CNOT4: variants seen among roughly 807,000 people sequenced by gnomAD.
The protein encoded by CNOT4 is CCR4-associated factor 4.
A neutral mutation model predicts 73.8 loss-of-function variants in CNOT4; 8 were observed. The ratio of observed to expected loss-of-function variants is 0.11; its 90% CI spans 0.06 to 0.20. CNOT4 has a LOEUF of 0.20. Ranked by LOEUF, CNOT4 falls within the 10% of genes least tolerant of loss-of-function variation. The pLI, the probability that CNOT4 is intolerant of heterozygous loss-of-function variation, is 1.00. For synonymous variants in CNOT4, 293 were observed against 321.1 expected, an observed-to-expected ratio of 0.91 and a Z score of 0.94; for missense variants, 564 against 883.4, an observed-to-expected ratio of 0.64 and a Z score of 4.58.
intron 10 of CNOT4, chr7:135,387,215 C>A: frequency 1.0e-6 from 1 of 984,710 alleles, no homozygotes; most frequent in Non-Finnish European, 1.2e-6. Context: ...CTTGTAATGT[C>A]TTAAAGTCAC....
chr7:135,500,528 C>T (rs1002034269), intron 1 of CNOT4, among the ~76,000 whole-genome samples: 1 of 152,100 alleles, frequency 6.6e-6, no homozygotes, highest in Admixed American at 6.5e-5. Flanking sequence ...AAAACATATA[C>T]GGCTGATGTT....
chr7:135,370,250 G>A (rs1795121119), intron 10 of CNOT4, among the ~76,000 whole-genome samples: 1 of 152,110 alleles, frequency 6.6e-6, no homozygotes, highest in Non-Finnish European at 1.5e-5. Flanking sequence ...AAAGAGTTCT[G>A]AGCAGAAACA....
rs1263876767 is a variant in CNOT4, at chr7:135,461,669, T to C, written c.-92-23246A>G. ...CAACATGGCAAAACCCCGTCTCTACTAAAAATGCAAAAATTAGCCAGGCGT... is the reference window on the plus strand; with the variant it reads ...CAACATGGCAAAACCCCGTCTCTACCAAAAATGCAAAAATTAGCCAGGCGT... On this transcript the variant is annotated intron_variant, in intron 1 of 11. Transcript: ENST00000541284. Among the ~76,000 whole-genome samples the C allele has an allele frequency of 2.6e-5, 4 of 152,138 alleles. No homozygotes were observed. The East Asian group carries it at 7.8e-4, about 30-fold the overall frequency.
chr7:135,445,085 T>C (rs1799739050), intron 1 of CNOT4, among the ~76,000 whole-genome samples: 1 of 152,190 alleles, frequency 6.6e-6, no homozygotes, highest in South Asian at 2.1e-4. Flanking sequence ...GAATTTAATC[T>C]TTGAGGAAAA....
At chr7:135,407,487 G>C (rs1293850424) in intron 7 of CNOT4, among the ~76,000 whole-genome samples, 1 of 152,076 alleles carries the variant, frequency 6.6e-6, no homozygotes, top group Non-Finnish European at 1.5e-5. Flanking sequence ...TAAAACACTA[G>C]AGACATCCCC....
intron 1 of CNOT4, among the ~76,000 whole-genome samples, chr7:135,487,869 C>A (rs1183252753): frequency 6.6e-6 from 1 of 152,052 alleles, no homozygotes; most frequent in African/African-American, 2.4e-5. Context: ...CTGGCTAACA[C>A]GGTGAAACCT....
At chr7:135,503,956 A>G (rs1737020774) in intron 1 of CNOT4, among the ~76,000 whole-genome samples, 1 of 152,162 alleles carries the variant, frequency 6.6e-6, no homozygotes, top group South Asian at 2.1e-4. Context: ...AATAAAGGGG[A>G]AAAAAGGAAA....
In CNOT4 at chr7:135,394,032, G is replaced by A. The variant is rs1381518139; in HGVS notation, c.1513C>T (p.Arg505Cys). The A allele has an allele frequency of 6.8e-6, 11 of 1,614,204 alleles. No homozygotes were observed. The South Asian group carries it at 7.7e-5, about 11-fold the overall frequency. ...TGGTTCAAGTGCATGATGCTATTGC[G>A]TGGAAAGGCCATCCAAGGATAGCGG... ...AARYPWMAFPRNSIMHLNHTA... is the reference protein window; with the variant it reads ...AARYPWMAFPCNSIMHLNHTA... Residue 505 changes from arginine to cysteine, a missense_variant, in exon 10 of 12, where the codon CGC becomes TGC. Around this residue, in one of 10 missense-constraint regions of CNOT4, gnomAD observed 153 missense variants for 158.7 expected, o/e 0.96. Transcript: ENST00000541284.
At chr7:135,490,573 G>A (rs1013105399) in intron 1 of CNOT4, among the ~76,000 whole-genome samples, 1 of 152,138 alleles carries the variant, frequency 6.6e-6, no homozygotes, top group African/African-American at 2.4e-5. Context: ...CGTGCATATG[G>A]TGGAAAAGAC....
In CNOT4 at chr7:135,361,815, TTTTA is replaced by T. The variant is rs1794663976; in HGVS notation, c.*1066_*1069del. The T allele has an allele frequency of 6.6e-6, 1 of 152,652 alleles. No individual in the cohort carries two copies. Among genetic ancestry groups the T allele is most frequent in the Admixed American group, 6.5e-5 (1 of 15,286 alleles). The allele number at this position is 152,652 out of a possible 1,614,324, so 9.5% of individuals were successfully genotyped here. A position where few individuals can be genotyped will look rare whatever the true frequency, so the allele number is the denominator to read the frequency against. On this transcript the variant is annotated 3_prime_UTR_variant, in exon 12 of 12. Coordinates refer to ENST00000541284, the MANE Select transcript of CNOT4 (RefSeq NM_001190850.2). The stretch of plus-strand genomic sequence containing the variant: ...CCAAGTGTCACCATCAAGTTTTCTG[TTTTA>T]TTTAAGATTTTAGTTTTAATTCTGA...
At chr7:135,507,823 T>C (rs1005696984) in intron 1 of CNOT4, among the ~76,000 whole-genome samples, 5 of 152,194 alleles carry the variant, frequency 3.3e-5, no homozygotes, top group Admixed American at 3.3e-4. Context: ...AATACACTCC[T>C]ACTGATAAAC....
At position 135,394,066 on chromosome 7, in the gene CNOT4, G is replaced by A; in HGVS notation, c.1479C>T (p.Gly493=). 6.2e-7 allele frequency: 1 copy of A among 1,614,182 alleles called. No individual in the cohort carries two copies. The highest frequency in any genetic ancestry group is 1.1e-5 in the South Asian group (1 of 91,072). ...CCATCCAAGGATAGCGGGCTGCCTGGCCTGGAAAACTGAATGAATTATAAA... is the reference window on the plus strand; with the variant it reads ...CCATCCAAGGATAGCGGGCTGCCTGACCTGGAAAACTGAATGAATTATAAA... ...RAVYNSFSFP[G]QAARYPWMAF... Residue 493 remains glycine (G), a synonymous_variant, in exon 10 of 12, where the codon GGC becomes GGT. Coordinates refer to ENST00000541284, the MANE Select transcript of CNOT4 (RefSeq NM_001190850.2).
At chr7:135,502,409 C>T (rs1353794185) in intron 1 of CNOT4, among the ~76,000 whole-genome samples, 1 of 152,188 alleles carries the variant, frequency 6.6e-6, no homozygotes, top group African/African-American at 2.4e-5. Flanking sequence ...TTGTACACTG[C>T]TTTGGACAGT....
chr7:135,392,242 T>C (rs1307341762), intron 10 of CNOT4, among the ~76,000 whole-genome samples: 1 of 152,102 alleles, frequency 6.6e-6, no homozygotes, highest in Non-Finnish European at 1.5e-5. Context: ...CTTTCACACA[T>C]TATTTTAGTC....
intron 1 of CNOT4, among the ~76,000 whole-genome samples, chr7:135,495,700 A>G (rs1803496488): frequency 5.0e-5 from 2 of 39,608 alleles, no homozygotes; most frequent in Non-Finnish European, 1.2e-4. Flanking sequence ...AAAAGAAAGA[A>G]AGAAAGAAAG....
chr7:135,368,527 A>G (rs746285621), intron 10 of CNOT4, among the ~76,000 whole-genome samples: 5 of 152,244 alleles, frequency 3.3e-5, no homozygotes, highest in Non-Finnish European at 2.9e-5. Flanking sequence ...AACAGAAGAA[A>G]TGCCAAGGTG....
At chr7:135,479,714 T>C (rs1802239061) in intron 1 of CNOT4, among the ~76,000 whole-genome samples, 2 of 151,740 alleles carry the variant, frequency 1.3e-5, no homozygotes, top group African/African-American at 4.8e-5. Flanking sequence ...CCTGGCAACA[T>C]GGAGAAACCT....
At chr7:135,460,328 T>C (rs1475086398) in intron 1 of CNOT4, among the ~76,000 whole-genome samples, 1 of 152,230 alleles carries the variant, frequency 6.6e-6, no homozygotes, top group Non-Finnish European at 1.5e-5. Context: ...GCCTATCTCA[T>C]GAGGCTTTTG....
At chr7:135,374,482 G>C (rs1157030070) in intron 10 of CNOT4, among the ~76,000 whole-genome samples, 1 of 152,164 alleles carries the variant, frequency 6.6e-6, no homozygotes, top group Admixed American at 6.5e-5. Context: ...GAGATACTGA[G>C]TCAGCCTAAA....
Sources: gnomAD v4.1 joint callset for allele counts (sites outside exome capture counted in the v4.1 genomes callset) on GRCh38, gnomAD v4.1.1 for gene constraint, gnomAD v4.1.1 regional missense constraint, MANE v1.5 for transcripts, NCBI Gene and HGNC (gene_info 2026-07-23, HGNC 2026-07-21) for gene names.